Variants in RGS7 observed in about 807,000 individuals in gnomAD.
The protein encoded by RGS7 is regulator of G-protein signaling 7.
In RGS7, 27 loss-of-function variants were observed where a neutral mutation model predicts 81.1. The observed-to-expected ratio is 0.33, with a 90% CI of 0.25 to 0.46. The LOEUF (loss-of-function observed/expected upper bound fraction) is 0.46. Among genes scored for constraint, RGS7 ranks in the 20% least tolerant of loss-of-function variants. RGS7 has a pLI of 1.00. For synonymous variants in RGS7, 208 were observed against 207.7 expected (o/e 1.00, Z -0.01); for missense variants, 396 against 607.4 (o/e 0.65, Z 3.66).
chr1:241,067,817 C>T (rs1421702398), intron 3 of RGS7, among the ~76,000 whole-genome samples: 1 of 151,712 alleles, frequency 6.6e-6, no homozygotes, highest in African/African-American at 2.4e-5. Context: ...ACCCGGCCTA[C>T]AATGAGATAT....
chr1:241,213,292 T>G (rs1460118551), intron 2 of RGS7, among the ~76,000 whole-genome samples: 1 of 152,230 alleles, frequency 6.6e-6, no homozygotes, highest in Admixed American at 6.5e-5. Flanking sequence ...TACTTTATGT[T>G]CATCACAAAC....
chr1:241,086,607 A>G (rs2063464867), intron 3 of RGS7, among the ~76,000 whole-genome samples: 1 of 151,786 alleles, frequency 6.6e-6, no homozygotes, highest in Non-Finnish European at 1.5e-5. Context: ...TTTATTCTCT[A>G]CATTTCCCCC....
At position 240,868,074 on chromosome 1, in the gene RGS7, GAAAGA is replaced by G; in HGVS notation, c.609+508_609+512del. Among the ~76,000 whole-genome samples the G allele has an allele frequency of 8.0e-6, 1 of 124,768 alleles. No homozygotes were observed. Among genetic ancestry groups the G allele is most frequent in the Non-Finnish European group, 1.8e-5 (1 of 56,742 alleles). 81.9% of individuals were successfully genotyped at this position (124,768 alleles called of 152,430 possible). ...AAGAAAGAAAGAAAAGAAGAGAAAA[GAAAGA>G]AAGAAAAAGAAAGAAAAGAAAAAGA... On this transcript the variant is annotated intron_variant, in intron 9 of 18. Transcript: ENST00000440928. This position sits in a 1 kb window ranked among gnomAD's most constrained non-coding sequence, Gnocchi z 5.1.
intron 2 of RGS7, among the ~76,000 whole-genome samples, chr1:241,276,039 A>G (rs2078177668): frequency 6.6e-6 from 1 of 152,206 alleles, no homozygotes; most frequent in African/African-American, 2.4e-5. Flanking sequence ...ATGAGAGAGT[A>G]TGTGATTGTA....
At chr1:241,283,515 A>G (rs79709247) in intron 2 of RGS7, among the ~76,000 whole-genome samples, 1,616 of 152,160 alleles carry the variant, frequency 0.011, 36 homozygotes, top group African/African-American at 0.037. Context: ...TTTTTCCCCC[A>G]GTAGGTAAGA....
intron 6 of RGS7, among the ~76,000 whole-genome samples, chr1:240,926,502 T>A (rs1024227227): frequency 6.6e-6 from 1 of 152,198 alleles, no homozygotes; most frequent in African/African-American, 2.4e-5. Context: ...AGTTTATGTA[T>A]CTGTTTTGTG....
In RGS7 at chr1:241,327,129, AGAAAGAAAGAAAGAAAG is replaced by A. The variant is rs2081626028; in HGVS notation, c.78+28553_78+28569del. 1.1e-4 allele frequency among the ~76,000 whole-genome samples: 11 copies of A among 104,694 alleles called. 1 individual carries two copies. The highest frequency in any genetic ancestry group is 2.9e-4 in the African/African-American group (9 of 30,986). The allele number at this position is 104,694 out of a possible 152,430, so 68.7% of individuals were successfully genotyped here. A position where few individuals can be genotyped will look rare whatever the true frequency, so the allele number is the denominator to read the frequency against. ...AAGAAAGAAAGAAAGAAAGAAAGAA[AGAAAGAAAGAAAGAAAG>A]GAAAGAAAGAAAGAAAGAAACACAC... On this transcript the variant is annotated intron_variant, in intron 2 of 18. Coordinates refer to ENST00000440928, the MANE Select transcript of RGS7 (RefSeq NM_001364886.1).
intron 2 of RGS7, among the ~76,000 whole-genome samples, chr1:241,248,756 G>A (rs773559742): frequency 1.3e-4 from 20 of 152,108 alleles, no homozygotes; most frequent in African/African-American, 1.9e-4. Flanking sequence ...ATTCAAACAC[G>A]AGCAAGGCAT....
At chr1:241,329,071 G>C (rs1319264990) in intron 2 of RGS7, among the ~76,000 whole-genome samples, 2 of 152,144 alleles carry the variant, frequency 1.3e-5, no homozygotes, top group Non-Finnish European at 2.9e-5. Flanking sequence ...TTATGCACTT[G>C]GTAGGTTTCC....
chr1:240,961,794 T>C (rs1681483533), intron 4 of RGS7, among the ~76,000 whole-genome samples: 1 of 152,166 alleles, frequency 6.6e-6, no homozygotes, highest in Admixed American at 6.5e-5. Context: ...TTATCAACAT[T>C]GATTCTGAGA....
chr1:241,059,493 T>C (rs1274754309), intron 3 of RGS7, among the ~76,000 whole-genome samples: 2 of 152,210 alleles, frequency 1.3e-5, no homozygotes, highest in Admixed American at 1.3e-4. Context: ...TATTCAGAGA[T>C]GGCTTCAAAA....
chr1:241,068,108 G>C (rs188447755), intron 3 of RGS7, among the ~76,000 whole-genome samples: 133 of 151,260 alleles, frequency 8.8e-4, no homozygotes, highest in Middle Eastern at 6.8e-3. Flanking sequence ...AAGCACCCTA[G>C]CAGTCAGAAG....
chr1:240,967,857 G>C (rs151262400), intron 4 of RGS7, among the ~76,000 whole-genome samples: 46 of 151,676 alleles, frequency 3.0e-4, no homozygotes, highest in African/African-American at 1.1e-3. Context: ...TCCCAAATTC[G>C]AAATTACAAA....
chr1:241,059,655 C>G (rs758342532), intron 3 of RGS7, among the ~76,000 whole-genome samples: 6 of 152,132 alleles, frequency 3.9e-5, no homozygotes, highest in Non-Finnish European at 7.4e-5. Flanking sequence ...GCAGCCTATG[C>G]CTTTGAAGCA....
chr1:241,197,937 T>TTATC (rs56214817), intron 2 of RGS7, among the ~76,000 whole-genome samples: 33 of 150,460 alleles, frequency 2.2e-4, no homozygotes, highest in African/African-American at 4.9e-4. Context: ...AAATTAAACA[T>TTATC]TATCTATCTA....
chr1:241,087,995 T>TACACAC (rs749815534), intron 3 of RGS7, among the ~76,000 whole-genome samples: 1 of 116,340 alleles, frequency 8.6e-6, no homozygotes, highest in African/African-American at 3.6e-5. Context: ...TATATATATA[T>TACACAC]ACACACACAC....
chr1:241,071,874 C>CAAAAAAAAA (rs58217460), intron 3 of RGS7, among the ~76,000 whole-genome samples: 1,163 of 56,806 alleles, frequency 0.02, 323 homozygotes, highest in African/African-American at 0.073. Flanking sequence ...GAGACCCTGT[C>CAAAAAAAAA]AAAAAAAAAA....
At chr1:241,191,788 C>G (rs1420362622) in intron 2 of RGS7, among the ~76,000 whole-genome samples, 8 of 152,172 alleles carry the variant, frequency 5.3e-5, no homozygotes, top group Admixed American at 5.2e-4. Flanking sequence ...GTCATAGGGC[C>G]ATTCAAATTC....
intron 17 of RGS7, 24 bp from the exon 18 acceptor site, chr1:240,800,745 G>C (rs967255776): frequency 9.8e-6 from 14 of 1,433,786 alleles, no homozygotes; most frequent in East Asian, 2.5e-5. Context: ...TGTGTTGAAG[G>C]CTTTAGTTTG....
Sources: allele counts gnomAD v4.1 joint callset (sites outside exome capture counted in the v4.1 genomes callset), GRCh38; gene constraint gnomAD v4.1.1; non-coding constraint Gnocchi (gnomAD v3.1); transcripts MANE v1.5; gene names NCBI Gene and HGNC (gene_info 2026-07-23, HGNC 2026-07-21).